PPP4R3A: variants seen among roughly 807,000 people sequenced by gnomAD.
PPP4R3A encodes the protein protein phosphatase 4 regulatory subunit 3A.
A neutral mutation model predicts 91.7 loss-of-function variants in PPP4R3A; 15 were observed. The ratio of observed to expected loss-of-function variants is 0.16; its 90% CI spans 0.11 to 0.25. The LOEUF (loss-of-function observed/expected upper bound fraction) is 0.25, where lower values mean the gene tolerates loss of function less well. Among genes scored for constraint, PPP4R3A ranks in the 10% least tolerant of loss-of-function variants. The pLI is 1.00. For synonymous variants in PPP4R3A, 377 were observed against 348.7 expected, an observed-to-expected ratio of 1.08 and a Z score of -0.91; for missense variants, 623 against 998.4, an observed-to-expected ratio of 0.62 and a Z score of 5.07.
chr14:91,462,612 T>C (rs746527918), intron 12 of PPP4R3A, 123 bp downstream of exon 12: 57 of 1,106,766 alleles, frequency 5.2e-5, no homozygotes, highest in Non-Finnish European at 7.1e-5. Context: ...GAAGCTACAA[T>C]TTCTATTTGC....
At chr14:91,460,680 T>TA (rs1230204466) in intron 14 of PPP4R3A, among the ~76,000 whole-genome samples, 1 of 140,140 alleles carries the variant, frequency 7.1e-6, no homozygotes, top group Non-Finnish European at 1.5e-5. Flanking sequence ...GCTGTTGCAG[T>TA]AGCGATCTCA....
intron 11 of PPP4R3A, 105 bp from the exon 12 acceptor site, chr14:91,462,982 A>C: frequency 1.1e-6 from 1 of 872,432 alleles, no homozygotes; most frequent in Non-Finnish European, 1.8e-6. Context: ...TTAATTTAAT[A>C]AAACTACATA....
chr14:91,497,883 G>A (rs1381255141), intron 1 of PPP4R3A, among the ~76,000 whole-genome samples: 1 of 152,152 alleles, frequency 6.6e-6, no homozygotes, highest in Non-Finnish European at 1.5e-5. Context: ...ACACTATGGG[G>A]CCTGCAAAGT....
chr14:91,507,184 A>G (rs1260136614), intron 1 of PPP4R3A, among the ~76,000 whole-genome samples: 1 of 151,438 alleles, frequency 6.6e-6, no homozygotes, highest in Non-Finnish European at 1.5e-5. Flanking sequence ...AGCCAGGCAT[A>G]GTGGCACATG....
chr14:91,479,966 C>T (rs935757208), intron 4 of PPP4R3A, among the ~76,000 whole-genome samples: 3 of 152,182 alleles, frequency 2.0e-5, no homozygotes, highest in African/African-American at 7.2e-5. Context: ...TAGAATAGAC[C>T]AATTCACACA....
In PPP4R3A at chr14:91,465,242, G is replaced by A; in HGVS notation, c.1830+8C>T. The A allele has an allele frequency of 1.3e-6, 2 of 1,510,510 alleles. No individual in the cohort carries two copies. Among genetic ancestry groups the A allele is most frequent in the Non-Finnish European group, 8.8e-7 (1 of 1,133,350 alleles). The allele number at this position is 1,510,510 out of a possible 1,614,324, so 93.6% of individuals were successfully genotyped here. ...AATGAAAATTCTAATTAAAAATACA[G>A]AACCTACCACTCTAATAAATTCAAA... On this transcript the variant is annotated splice_region_variant and intron_variant, in intron 11 of 14. Coordinates refer to ENST00000554943, the MANE Select transcript of PPP4R3A (RefSeq NM_001366432.2).
At chr14:91,504,325 TAAAAA>T (rs35776205) in intron 1 of PPP4R3A, among the ~76,000 whole-genome samples, 261 of 115,026 alleles carry the variant, frequency 2.3e-3, no homozygotes, top group African/African-American at 7.8e-3. Flanking sequence ...TCTTAAAAAT[TAAAAA>T]AAAAAAAAAA....
intron 3 of PPP4R3A, among the ~76,000 whole-genome samples, chr14:91,482,731 T>C (rs1439239767): frequency 1.3e-5 from 2 of 152,144 alleles, no homozygotes; most frequent in African/African-American, 4.8e-5. Flanking sequence ...ATATTTAACA[T>C]CAATTGATTG....
intron 5 of PPP4R3A, 55 bp from the exon 6 acceptor site, chr14:91,476,579 T>G: frequency 7.8e-7 from 1 of 1,278,352 alleles, no homozygotes. Context: ...TTTATTTATT[T>G]ATTGAGACGG....
chr14:91,486,912 A>AT (rs1373867980), intron 2 of PPP4R3A, among the ~76,000 whole-genome samples: 7 of 144,982 alleles, frequency 4.8e-5, no homozygotes, highest in South Asian at 2.2e-4. Context: ...CTCCAAAAAA[A>AT]AAAAAAAAAA....
intron 1 of PPP4R3A, among the ~76,000 whole-genome samples, chr14:91,497,341 TACACACACACACACACAC>T (rs10542688): frequency 8.1e-4 from 121 of 148,516 alleles, no homozygotes; most frequent in Middle Eastern, 3.4e-3. Context: ...ATCTTTTATT[TACACACACACACACACAC>T]ACACACACAC....
chr14:91,472,424 T>C (rs1888903317), intron 9 of PPP4R3A, among the ~76,000 whole-genome samples: 1 of 151,776 alleles, frequency 6.6e-6, no homozygotes, highest in South Asian at 2.1e-4. Context: ...TTTACATGTT[T>C]CTGTTATCTG....
intron 1 of PPP4R3A, among the ~76,000 whole-genome samples, chr14:91,495,700 A>G (rs948705126): frequency 2.0e-5 from 3 of 152,032 alleles, no homozygotes; most frequent in African/African-American, 7.2e-5. Context: ...TTAAAAAAAA[A>G]ACAAAAAACA....
chr14:91,474,504 AAG>A (rs1054940586), intron 7 of PPP4R3A: 3 of 152,222 alleles, frequency 2.0e-5, no homozygotes, highest in Non-Finnish European at 4.4e-5. Context: ...AGGAAAAAAA[AAG>A]AGTCCTACTG....
intron 5 of PPP4R3A, among the ~76,000 whole-genome samples, 188 bp from the exon 6 acceptor site, chr14:91,476,712 C>A (rs1389649801): frequency 6.6e-6 from 1 of 152,136 alleles, no homozygotes; most frequent in Non-Finnish European, 1.5e-5. Context: ...ATTACAGGTG[C>A]CCGCCACCAT....
At chr14:91,495,302 A>ATATGTGTGTGTG (rs1555437567) in intron 1 of PPP4R3A, among the ~76,000 whole-genome samples, 14 of 140,870 alleles carry the variant, frequency 9.9e-5, no homozygotes, top group Admixed American at 1.4e-4. Flanking sequence ...CAGATACATA[A>ATATGTGTGTGTG]TGTGTGTGTG....
intron 3 of PPP4R3A, among the ~76,000 whole-genome samples, chr14:91,482,569 G>T (rs1032720005): frequency 2.6e-5 from 4 of 152,094 alleles, no homozygotes; most frequent in African/African-American, 9.7e-5. Context: ...GCAGACCAAG[G>T]CAAGTCTCAG....
intron 3 of PPP4R3A, 147 bp downstream of exon 3, chr14:91,485,485 C>T (rs1477389939): frequency 9.5e-6 from 6 of 629,400 alleles, no homozygotes; most frequent in East Asian, 8.4e-5. Flanking sequence ...CAATAAATTA[C>T]ACCTTCCTTT....
In PPP4R3A at chr14:91,475,947, A is replaced by ACCTGTGTAT; in HGVS notation, c.1121_1129dup (p.Asp374_Gln376dup). The ACCTGTGTAT allele has an allele frequency of 6.3e-7, 1 of 1,594,982 alleles. No individual in the cohort carries two copies. The highest frequency in any genetic ancestry group is 8.5e-7 in the Non-Finnish European group (1 of 1,174,770). ...GAATATATCAGTAGCAGCACTTCGC[A>ACCTGTGTAT]CCTGTGTATCATCCATGCCCTGCAG... is the stretch of plus-strand genomic sequence containing the variant. On this transcript the variant is annotated inframe_insertion, in exon 7 of 15. Coordinates refer to ENST00000554943, the MANE Select transcript of PPP4R3A (RefSeq NM_001366432.2).
Sources: gnomAD v4.1 joint callset for allele counts (sites outside exome capture counted in the v4.1 genomes callset) on GRCh38, gnomAD v4.1.1 for gene constraint, MANE v1.5 for transcripts, NCBI Gene and HGNC (gene_info 2026-07-23, HGNC 2026-07-21) for gene names.